Variants in PCDHA10 observed in about 807,000 individuals in gnomAD.
PCDHA10 encodes protocadherin alpha-10.
PCDHA10 carries 45 observed loss-of-function variants against 61.2 expected under a neutral mutation model. That is an observed-to-expected ratio of 0.74 (90% CI 0.58 to 0.94). The LOEUF (loss-of-function observed/expected upper bound fraction) is 0.94, where lower values mean the gene tolerates loss of function less well. PCDHA10 is among the 40% of genes least tolerant of loss of function. PCDHA10 has a pLI of 0.00. For synonymous variants in PCDHA10, 602 were observed against 548.8 expected (o/e 1.10, Z -1.35); for missense variants, 1,278 against 1,236.2 (o/e 1.03, Z -0.51).
Position 141,010,530 on chromosome 5 carries a change from A to T in PCDHA10, c.*593A>T, listed in dbSNP as rs188140091. 45 of 414,090 alleles carry T rather than the reference A, an allele frequency of 1.1e-4. No homozygotes were observed. In the Admixed American group the frequency reaches 1.6e-3, roughly 15 times the overall value. The allele number at this position is 414,090 out of a possible 1,614,324, so 25.7% of individuals were successfully genotyped here. On this transcript the variant is annotated 3_prime_UTR_variant, in exon 4 of 4. Coordinates refer to ENST00000307360, the MANE Select transcript of PCDHA10 (RefSeq NM_018901.4). ...TCTTACAACTCAAGAGGTGGCAGCC[A>T]CCCTCTAGGAGACAAAACTACCCCC... is the stretch of plus-strand genomic sequence containing the variant.
At chr5:140,950,746 T>C (rs2094515579) in intron 1 of PCDHA10, among the ~76,000 whole-genome samples, 1 of 152,138 alleles carries the variant, frequency 6.6e-6, no homozygotes, top group Non-Finnish European at 1.5e-5. Context: ...AATTTCTCTC[T>C]ATCCTTTCTG....
intron 1 of PCDHA10, chr5:140,926,518 C>T (rs1584446348): frequency 4.9e-6 from 1 of 202,636 alleles, no homozygotes; most frequent in Non-Finnish European, 9.8e-6. Context: ...CAGGCTCCGC[C>T]CTGCGCCCGC....
chr5:140,995,674 A>AT (rs1240189428), intron 3 of PCDHA10, among the ~76,000 whole-genome samples: 2 of 152,112 alleles, frequency 1.3e-5, no homozygotes, highest in South Asian at 2.1e-4. Context: ...TAAATGCAGC[A>AT]TTTTTTTTAA....
At chr5:140,875,921 C>T (rs782082764) in intron 1 of PCDHA10, 57 of 1,614,110 alleles carry the variant, frequency 3.5e-5, no homozygotes, top group Non-Finnish European at 4.8e-5. Context: ...CCTCTGGACT[C>T]TCATTTTCCT....
At position 141,009,849 on chromosome 5, in the gene PCDHA10, C is replaced by T. The variant is rs782348993; in HGVS notation, c.2759C>T (p.Thr920Ile). 54 of 1,613,364 alleles carry T rather than the reference C, an allele frequency of 3.3e-5. No individual in the cohort carries two copies. The South Asian group carries it at 5.8e-4, about 17-fold the overall frequency. ...DFITFGKKEETKKKKKKKKGN... is the reference protein window; with the variant it reads ...DFITFGKKEEIKKKKKKKKGN... ...ATAACCTTCGGCAAAAAGGAGGAGA[C>T]CAAGAAAAAGAAGAAAAAGAAGAAG... Residue 920 changes from threonine to isoleucine, a missense_variant, in exon 4 of 4, where the codon ACC becomes ATC. Transcript: ENST00000307360.
At chr5:140,943,376 C>G (rs2093486935) in intron 1 of PCDHA10, among the ~76,000 whole-genome samples, 1 of 150,084 alleles carries the variant, frequency 6.7e-6, no homozygotes, top group Non-Finnish European at 1.5e-5. Flanking sequence ...TTAAAATATA[C>G]AGGTAAGAAA....
chr5:140,926,526 C>G (rs2083305621), intron 1 of PCDHA10: 1 of 209,510 alleles, frequency 4.8e-6, no homozygotes, highest in Non-Finnish European at 9.3e-6. Flanking sequence ...GCCCTGCGCC[C>G]GCAGCCAGCG....
At chr5:140,985,044 T>G (rs183944640) in intron 3 of PCDHA10, among the ~76,000 whole-genome samples, 1 of 152,158 alleles carries the variant, frequency 6.6e-6, no homozygotes, top group Admixed American at 6.5e-5. Flanking sequence ...TTCAAGTGAT[T>G]CTCCTGCCTC....
rs1554262965 is a variant in PCDHA10 at position 141,010,497 on chromosome 5, T to A, written c.*560T>A. Reference sequence around the variant, plus strand: ...AAGTGTAAACTTAAAGGGACCAGACTTTCTAAATCTTACAACTCAAGAGGT... The same window carrying A: ...AAGTGTAAACTTAAAGGGACCAGACATTCTAAATCTTACAACTCAAGAGGT... On this transcript the variant is annotated 3_prime_UTR_variant, in exon 4 of 4. Coordinates refer to ENST00000307360, the MANE Select transcript of PCDHA10 (RefSeq NM_018901.4). The A allele has an allele frequency of 1.7e-6, 1 of 584,358 alleles. No homozygotes were observed. Among genetic ancestry groups the A allele is most frequent in the African/African-American group, 1.9e-5 (1 of 53,100 alleles). 36.2% of individuals were successfully genotyped at this position (584,358 alleles called of 1,614,324 possible).
At chr5:140,882,367 C>G in intron 1 of PCDHA10, 22 of 1,614,228 alleles carry the variant, frequency 1.4e-5, no homozygotes, top group Non-Finnish European at 1.7e-5. Flanking sequence ...AGCTCCACTA[C>G]TCCGTCCCCG....
chr5:140,977,324 C>T (rs1035502087), intron 1 of PCDHA10, among the ~76,000 whole-genome samples: 5 of 152,102 alleles, frequency 3.3e-5, no homozygotes, highest in Non-Finnish European at 4.4e-5. Context: ...CTCCTGATGG[C>T]GAGGGGAGAG....
At chr5:140,968,835 A>C in intron 1 of PCDHA10, 2 of 1,614,194 alleles carry the variant, frequency 1.2e-6, no homozygotes, top group Non-Finnish European at 1.7e-6. Flanking sequence ...ATCCTCCCTG[A>C]CACTCAGAGG....
intron 1 of PCDHA10, chr5:140,860,444 T>C (rs1311147382): frequency 6.6e-6 from 1 of 152,156 alleles, no homozygotes; most frequent in South Asian, 2.1e-4. Flanking sequence ...CTTTTTCATA[T>C]TAATTCACGT....
intron 1 of PCDHA10, chr5:140,967,709 G>T: frequency 6.2e-7 from 1 of 1,614,140 alleles, no homozygotes; most frequent in Non-Finnish European, 8.5e-7. Context: ...TGCCAGTACC[G>T]GGGAAGTGCG....
chr5:141,003,685 A>G (rs782131958), intron 3 of PCDHA10, among the ~76,000 whole-genome samples: 12 of 152,198 alleles, frequency 7.9e-5, no homozygotes, highest in Non-Finnish European at 1.2e-4. Flanking sequence ...TCTGATTTTA[A>G]AATATATCCC....
At chr5:140,991,563 C>T (rs577838155) in intron 3 of PCDHA10, among the ~76,000 whole-genome samples, 4 of 152,288 alleles carry the variant, frequency 2.6e-5, no homozygotes, top group South Asian at 4.1e-4. Context: ...CCTTTAGTTT[C>T]CAATAACAGG....
chr5:140,908,256 A>G (rs192899359), intron 1 of PCDHA10, among the ~76,000 whole-genome samples: 9 of 152,248 alleles, frequency 5.9e-5, no homozygotes, highest in Non-Finnish European at 1.0e-4. Flanking sequence ...AACTGATCAT[A>G]GGGAACTCCC....
intron 1 of PCDHA10, chr5:140,862,418 G>A (rs868906297): frequency 8.8e-5 from 31 of 352,850 alleles, no homozygotes; most frequent in African/African-American, 6.4e-4. Flanking sequence ...AAAAGGCGCT[G>A]CCCAGAAACT....
At chr5:140,869,161 C>T in intron 1 of PCDHA10, 1 of 1,613,852 alleles carries the variant, frequency 6.2e-7, no homozygotes, top group South Asian at 1.1e-5. Flanking sequence ...CTGGCTTCTC[C>T]TCCTCGAATT....
Sources: allele counts gnomAD v4.1 joint callset (sites outside exome capture counted in the v4.1 genomes callset), GRCh38; gene constraint gnomAD v4.1.1; transcripts MANE v1.5; gene names NCBI Gene and HGNC (gene_info 2026-07-23, HGNC 2026-07-21).